The following ROR2 variants were observed in gnomAD, a reference collection of about 807,000 sequenced individuals.
ROR2 encodes ROR family WNT receptor 2, also known as tyrosine-protein kinase transmembrane receptor ROR2.
A neutral mutation model predicts 74.9 loss-of-function variants in ROR2; 33 were observed. That is an observed-to-expected ratio of 0.44 (90% CI 0.33 to 0.59). The LOEUF is 0.59. Ranked by LOEUF, ROR2 falls within the 20% of genes least tolerant of loss-of-function variation. The probability of loss-of-function intolerance (pLI) is 0.02; values close to 1 mark genes in which losing one functional copy is unlikely to be tolerated. For synonymous variants in ROR2, 586 were observed against 558.7 expected (o/e 1.05, Z -0.69); for missense variants, 1,216 against 1,313.8 (o/e 0.93, Z 1.15).
intron 2 of ROR2, among the ~76,000 whole-genome samples, chr9:91,770,206 C>G (rs1224645154): frequency 6.6e-6 from 1 of 152,228 alleles, no homozygotes; most frequent in African/African-American, 2.4e-5. Flanking sequence ...CCTGTGCATC[C>G]TTATTTGTGC....
intron 1 of ROR2, among the ~76,000 whole-genome samples, chr9:91,812,570 CCA>C (rs1275202760): frequency 2.0e-5 from 3 of 147,786 alleles, no homozygotes; most frequent in South Asian, 4.4e-4. Flanking sequence ...CCCACCCCCC[CCA>C]CACACACGTG....
At chr9:91,916,920 T>A (rs1044756215) in intron 1 of ROR2, among the ~76,000 whole-genome samples, 3 of 152,128 alleles carry the variant, frequency 2.0e-5, no homozygotes, top group Non-Finnish European at 4.4e-5. Flanking sequence ...TGGTCGAGGT[T>A]GTCCCATGCT....
intron 1 of ROR2, among the ~76,000 whole-genome samples, chr9:91,925,102 T>G: frequency 6.6e-6 from 1 of 152,062 alleles, no homozygotes; most frequent in East Asian, 1.9e-4. Flanking sequence ...CCTCCCATCT[T>G]GGCCTCCCCC....
chr9:91,842,671 T>C (rs1209846816), intron 1 of ROR2, among the ~76,000 whole-genome samples: 2 of 152,244 alleles, frequency 1.3e-5, no homozygotes, highest in Non-Finnish European at 2.9e-5. Context: ...ACTTTGAATA[T>C]TCCAGTATCT....
intron 1 of ROR2, among the ~76,000 whole-genome samples, chr9:91,892,590 C>CTTTTTTTTTT (rs547073635): frequency 4.6e-4 from 48 of 105,432 alleles, no homozygotes; most frequent in Non-Finnish European, 6.8e-4. Context: ...CTTTTCTTTT[C>CTTTTTTTTTT]TTTTTTTTTT....
At chr9:91,825,421 G>C (rs573605396) in intron 1 of ROR2, among the ~76,000 whole-genome samples, 48 of 152,210 alleles carry the variant, frequency 3.2e-4, no homozygotes, top group Non-Finnish European at 5.7e-4. Context: ...TTCCCCTGTG[G>C]TGAGAACATA....
intron 1 of ROR2, among the ~76,000 whole-genome samples, chr9:91,864,934 A>G (rs1490480871): frequency 6.6e-6 from 1 of 152,200 alleles, no homozygotes; most frequent in Non-Finnish European, 1.5e-5. Context: ...GTGCTGTCAC[A>G]TCACTTTAGC....
chr9:91,868,905 C>T (rs1227222012), intron 1 of ROR2, among the ~76,000 whole-genome samples: 2 of 152,194 alleles, frequency 1.3e-5, no homozygotes, highest in African/African-American at 4.8e-5. Flanking sequence ...GTGGCAGTCT[C>T]ACACATCAAT....
At chr9:91,762,647 G>A (rs1825951439) in intron 2 of ROR2, among the ~76,000 whole-genome samples, 1 of 152,076 alleles carries the variant, frequency 6.6e-6, no homozygotes, top group Non-Finnish European at 1.5e-5. Flanking sequence ...TTTTTCTCCA[G>A]AGAACTTGTA....
At chr9:91,916,992 T>C (rs1178254002) in intron 1 of ROR2, among the ~76,000 whole-genome samples, 1 of 152,142 alleles carries the variant, frequency 6.6e-6, no homozygotes, top group African/African-American at 2.4e-5. Context: ...TTCTTTAGTT[T>C]TACTCCTTCC....
intron 2 of ROR2, among the ~76,000 whole-genome samples, chr9:91,767,107 G>T (rs998374083): frequency 6.7e-6 from 1 of 149,608 alleles, no homozygotes. Context: ...GCGGAGGCTC[G>T]CTCTGTCGCC....
intron 1 of ROR2, among the ~76,000 whole-genome samples, chr9:91,828,607 G>C (rs1322288968): frequency 6.6e-6 from 1 of 152,108 alleles, no homozygotes; most frequent in Non-Finnish European, 1.5e-5. Context: ...CCAGGTACTC[G>C]GGAGGCTGAG....
In ROR2 at chr9:91,949,975, T is replaced by G; in HGVS notation, c.-12A>C. The G allele has an allele frequency of 1.4e-6, 2 of 1,433,304 alleles. No individual in the cohort carries two copies. Among genetic ancestry groups the G allele is most frequent in the South Asian group, 2.9e-5 (2 of 69,836 alleles). The allele number at this position is 1,433,304 out of a possible 1,614,324, so 88.8% of individuals were successfully genotyped here. ...GAGCCCCGGGCCATGCCGCAGGCAG[T>G]GGGGGCCGGGAAGCCCTCAGAGCTT... On this transcript the variant is annotated 5_prime_UTR_variant, in exon 1 of 9. Coordinates refer to ENST00000375708, the MANE Select transcript of ROR2 (RefSeq NM_004560.4).
Position 91,726,575 on chromosome 9 carries a change from T to C in ROR2, c.1352A>G (p.Asp451Gly), listed in dbSNP as rs759761788. The change falls in exon 8 of 9, where the codon GAC becomes GGC. Residue 451 changes from aspartate (D) to glycine (G), a missense_variant. By Grantham distance (94) the Asp-to-Gly change is moderately conservative. Coordinates refer to ENST00000375708, the MANE Select transcript of ROR2 (RefSeq NM_004560.4). ...RRQLMASPSQ[D>G]MEMPLINQHK... The stretch of plus-strand genomic sequence containing the variant: ...CTGGTTAATGAGGGGCATTTCCATG[T>C]CTTGGCTGGGCGAGGCCATCAGCTG... The C allele has an allele frequency of 3.7e-6, 6 of 1,613,218 alleles. No homozygotes were observed. Among genetic ancestry groups the C allele is most frequent in the Non-Finnish European group, 1.7e-6 (2 of 1,180,012 alleles).
chr9:91,757,429 C>T lies in ROR2; in HGVS notation c.306G>A (p.Val102=), dbSNP rs142613469. ...NVRWLKNDAP[V]VQEPRRIIIR... ...TGATGATCCGCCGCGGCTCCTGCAC[C>T]ACCGGGGCATCATTCTTTAGCCACC... The change falls in exon 3 of 9, where the codon GTG becomes GTA. Residue 102 remains valine, a synonymous_variant. Transcript: ENST00000375708. 26 of 1,613,862 alleles carry T rather than the reference C, an allele frequency of 1.6e-5. No homozygotes were observed. The highest frequency in any genetic ancestry group is 2.1e-5 in the Non-Finnish European group (25 of 1,180,002).
rs746902654 is a variant in ROR2, at chr9:91,775,758, G to A, written c.158C>T (p.Pro53Leu). The A allele has an allele frequency of 1.9e-6, 3 of 1,614,170 alleles. No homozygotes were observed. Among genetic ancestry groups the A allele is most frequent in the Non-Finnish European group, 2.5e-6 (3 of 1,180,028 alleles). ...CAGCTCACCTTTCAGAGTTGGAATCGGGCCGTCCTGCCCATCAAGGGGTCC... is the reference window on the plus strand; with the variant it reads ...CAGCTCACCTTTCAGAGTTGGAATCAGGCCGTCCTGCCCATCAAGGGGTCC... ...PLGPLDGQDG[P>L]IPTLKGYFLN... Residue 53 changes from proline (P) to leucine (L), a missense_variant, in exon 2 of 9, where the codon CCG (proline) becomes CTG (leucine). Transcript: ENST00000375708.
At chr9:91,818,335 T>G (rs1828013172) in intron 1 of ROR2, among the ~76,000 whole-genome samples, 1 of 152,194 alleles carries the variant, frequency 6.6e-6, no homozygotes, top group Admixed American at 6.5e-5. Flanking sequence ...ACTAAACTTT[T>G]TTTTGCAACA....
intron 2 of ROR2, among the ~76,000 whole-genome samples, chr9:91,758,141 A>G (rs1302446581): frequency 6.6e-6 from 1 of 152,260 alleles, no homozygotes; most frequent in Admixed American, 6.5e-5. Context: ...ACCAGGGAGC[A>G]GACCATCGCC....
chr9:91,874,324 C>A (rs760032382), intron 1 of ROR2, among the ~76,000 whole-genome samples: 6 of 152,236 alleles, frequency 3.9e-5, no homozygotes, highest in Non-Finnish European at 7.3e-5. Flanking sequence ...GAAAGTGGCA[C>A]ACGTGTCCCA....
Sources: allele counts gnomAD v4.1 joint callset (sites outside exome capture counted in the v4.1 genomes callset), GRCh38; gene constraint gnomAD v4.1.1; transcripts MANE v1.5; gene names NCBI Gene and HGNC (gene_info 2026-07-23, HGNC 2026-07-21).